The following TNFRSF8 variants were observed in gnomAD, a reference collection of about 807,000 sequenced individuals.
TNFRSF8 encodes the protein tumor necrosis factor receptor superfamily member 8.
Under a neutral mutation model 70.8 loss-of-function variants are expected in TNFRSF8, and 26 were observed. The observed-to-expected ratio is 0.37, with a 90% CI of 0.27 to 0.51. The LOEUF (loss-of-function observed/expected upper bound fraction) is 0.51, where lower values mean the gene tolerates loss of function less well. TNFRSF8 is among the 20% of genes least tolerant of loss of function. The pLI is 0.94. For synonymous variants in TNFRSF8, 356 were observed against 339.2 expected (o/e 1.05, Z -0.54); for missense variants, 720 against 807.9 (o/e 0.89, Z 1.32).
At position 12,115,608 on chromosome 1, in the gene TNFRSF8, G is replaced by C; in HGVS notation, c.825G>C (p.Trp275Cys). 1.2e-6 allele frequency: 2 copies of C among 1,614,162 alleles called. No individual in the cohort carries two copies. Among genetic ancestry groups the C allele is most frequent in the Admixed American group, 3.3e-5 (2 of 60,020 alleles). ...DDLVEKTPCAWNSSRTCECRP... is the reference protein window; with the variant it reads ...DDLVEKTPCACNSSRTCECRP... ...TTGTGGAGAAGACGCCATGTGCATG[G>C]AACTCCTCCCGCACCTGCGAATGTC... The change falls in exon 8 of 15, where the codon TGG becomes TGC. Residue 275 changes from tryptophan to cysteine, a missense_variant. Coordinates refer to ENST00000263932, the MANE Select transcript of TNFRSF8 (RefSeq NM_001243.5).
At position 12,063,777 on chromosome 1, in the gene TNFRSF8, A is replaced by C; in HGVS notation, c.63+116A>C. On this transcript the variant is annotated intron_variant, in intron 1 of 14. Coordinates refer to ENST00000263932, the MANE Select transcript of TNFRSF8 (RefSeq NM_001243.5). The surrounding 1 kb of genome is among the most constrained non-coding windows in gnomAD (Gnocchi z 7.2). Reference sequence around the variant, plus strand: ...CCCCGTTCCCTGCCCAGCTGGAGTGAGGGGGCGCGGGTGACAAGCAGGAAC... The same window carrying C: ...CCCCGTTCCCTGCCCAGCTGGAGTGCGGGGGCGCGGGTGACAAGCAGGAAC... 1 of 1,020,374 alleles carries C rather than the reference A, an allele frequency of 9.8e-7. No individual in the cohort carries two copies. Among genetic ancestry groups the C allele is most frequent in the Non-Finnish European group, 1.3e-6 (1 of 790,458 alleles). 63.2% of individuals were successfully genotyped at this position (1,020,374 alleles called of 1,614,324 possible).
At position 12,126,222 on chromosome 1, in the gene TNFRSF8, A is replaced by G. The variant is rs763625434; in HGVS notation, c.1295A>G (p.Lys432Arg). 1.2e-6 allele frequency: 2 copies of G among 1,614,074 alleles called. No individual in the cohort carries two copies. The highest frequency in any genetic ancestry group is 1.7e-6 in the Non-Finnish European group (2 of 1,180,006). Residue 432 changes from lysine to arginine, a missense_variant, in exon 12 of 15, where the codon AAG becomes AGG. Lys to Arg is a conservative substitution (Grantham distance 26). Transcript: ENST00000263932. ...LCYPVQTSQP[K>R]LELVDSRPRR... The stretch of plus-strand genomic sequence containing the variant: ...TACCCGGTCCAGACCTCCCAGCCCA[A>G]GCTAGAGCTTGTGGGTGAGTGTCCA...
chr1:12,132,837 CA>C (rs55643235), intron 12 of TNFRSF8, among the ~76,000 whole-genome samples: 7,846 of 74,100 alleles, frequency 0.11, 217 homozygotes, highest in East Asian at 0.24. Context: ...GACTCCATCT[CA>C]AAAAAAAAAA....
intron 2 of TNFRSF8, 25 bp downstream of exon 2, chr1:12,084,576 G>A (rs781247778): frequency 1.9e-6 from 3 of 1,600,258 alleles, no homozygotes; most frequent in Non-Finnish European, 8.6e-7. Context: ...TGGGGGTGGG[G>A]AGAAGGGGGG....
At chr1:12,093,743 GTT>G (rs1641283387) in intron 2 of TNFRSF8, among the ~76,000 whole-genome samples, 1 of 152,082 alleles carries the variant, frequency 6.6e-6, no homozygotes, top group South Asian at 2.1e-4. Context: ...GTTTCACCAT[GTT>G]GGTCAGGCTG....
At chr1:12,065,850 C>G (rs1005516364) in intron 1 of TNFRSF8, among the ~76,000 whole-genome samples, 1 of 152,172 alleles carries the variant, frequency 6.6e-6, no homozygotes, top group Admixed American at 6.5e-5. Flanking sequence ...TACTACAGTG[C>G]ACAGCCCTAT....
chr1:12,079,377 C>G (rs531783084), intron 1 of TNFRSF8, among the ~76,000 whole-genome samples: 3 of 152,172 alleles, frequency 2.0e-5, no homozygotes, highest in East Asian at 1.9e-4. Flanking sequence ...AAAAGCCCCC[C>G]CTCCAGTCCT....
At chr1:12,095,568 G>A (rs1641318970) in intron 2 of TNFRSF8, among the ~76,000 whole-genome samples, 1 of 152,066 alleles carries the variant, frequency 6.6e-6, no homozygotes, top group Non-Finnish European at 1.5e-5. Flanking sequence ...GGTTACAGGC[G>A]TGAGCCACCG....
chr1:12,074,220 C>A (rs1034639198), intron 1 of TNFRSF8, among the ~76,000 whole-genome samples: 19 of 152,130 alleles, frequency 1.2e-4, no homozygotes, highest in African/African-American at 4.6e-4. Flanking sequence ...ATTAATGACC[C>A]TGAAACCCTT....
chr1:12,126,333 C>G, intron 12 of TNFRSF8, 97 bp downstream of exon 12: 1 of 1,432,450 alleles, frequency 7.0e-7, no homozygotes. Flanking sequence ...ACTTCTACCC[C>G]AGCCTCGAAG....
In TNFRSF8 at chr1:12,104,291, C is replaced by T. The variant is rs1641478006; in HGVS notation, c.269-88C>T. On this transcript the variant is annotated intron_variant, in intron 3 of 14. Coordinates refer to ENST00000263932, the MANE Select transcript of TNFRSF8 (RefSeq NM_001243.5). Reference sequence around the variant, plus strand: ...GAGGCGGAGGCTGCGTTGCGGACTGCACCTGCCCTCTCCCCCTCATCTCAA... The same window carrying T: ...GAGGCGGAGGCTGCGTTGCGGACTGTACCTGCCCTCTCCCCCTCATCTCAA... 6 of 1,474,080 alleles carry T rather than the reference C, an allele frequency of 4.1e-6. No individual in the cohort carries two copies. In the East Asian group the frequency reaches 1.1e-4, roughly 28 times the overall value. 91.3% of individuals were successfully genotyped at this position (1,474,080 alleles called of 1,614,324 possible).
At chr1:12,075,831 G>A (rs953313617) in intron 1 of TNFRSF8, among the ~76,000 whole-genome samples, 6 of 152,164 alleles carry the variant, frequency 3.9e-5, no homozygotes, top group African/African-American at 9.7e-5. Context: ...AACGGCTAAC[G>A]TCAGCATGAC....
At chr1:12,084,159 G>A (rs899070100) in intron 1 of TNFRSF8, among the ~76,000 whole-genome samples, 1 of 152,142 alleles carries the variant, frequency 6.6e-6, no homozygotes, top group African/African-American at 2.4e-5. Context: ...TTAATCCCAG[G>A]GCAAGGGGAT....
At chr1:12,139,725 G>A (rs933604391) in intron 14 of TNFRSF8, among the ~76,000 whole-genome samples, 1 of 152,216 alleles carries the variant, frequency 6.6e-6, no homozygotes, top group African/African-American at 2.4e-5. Context: ...ACTCTTCAGG[G>A]CAGTCATCTT....
At chr1:12,123,465 G>A in intron 9 of TNFRSF8, 88 bp downstream of exon 9, 1 of 1,313,294 alleles carries the variant, frequency 7.6e-7, no homozygotes, top group Non-Finnish European at 1.1e-6. Flanking sequence ...AGGCAGCTGG[G>A]CTGGGGGTGG....
intron 2 of TNFRSF8, 21 bp downstream of exon 2, chr1:12,084,572 TG>T (rs1212703825): frequency 1.3e-6 from 2 of 1,584,388 alleles, no homozygotes; most frequent in Admixed American, 3.4e-5. Flanking sequence ...GCGTTGGGGG[TG>T]GGGAGAAGGG....
chr1:12,089,097 G>GA (rs933201832), intron 2 of TNFRSF8, among the ~76,000 whole-genome samples: 16 of 151,340 alleles, frequency 1.1e-4, no homozygotes, highest in Middle Eastern at 3.4e-3. Context: ...ATTCTATCTC[G>GA]AAAAAAAAGA....
At chr1:12,127,358 G>A (rs887915903) in intron 12 of TNFRSF8, among the ~76,000 whole-genome samples, 3 of 152,362 alleles carry the variant, frequency 2.0e-5, no homozygotes, top group East Asian at 1.9e-4. Context: ...CAAGGTGGAC[G>A]GCTGGCCCAG....
At chr1:12,077,868 GT>G (rs5772483) in intron 1 of TNFRSF8, 77,987 of 146,696 alleles carry the variant, frequency 0.53, 21,938 homozygotes, top group African/African-American at 0.73. Context: ...TAAGACTTTG[GT>G]TTTTTTTTTT....
Sources: allele counts gnomAD v4.1 joint callset (sites outside exome capture counted in the v4.1 genomes callset), GRCh38; gene constraint gnomAD v4.1.1; non-coding constraint Gnocchi (gnomAD v3.1); transcripts MANE v1.5; gene names NCBI Gene and HGNC (gene_info 2026-07-23, HGNC 2026-07-21).